Variants in GRID1 observed in about 807,000 individuals in gnomAD.
GRID1 encodes glutamate receptor ionotropic, delta-1.
Under a neutral mutation model 98.0 loss-of-function variants are expected in GRID1, and 28 were observed. The ratio of observed to expected loss-of-function variants is 0.29; its 90% CI spans 0.21 to 0.39. The LOEUF is 0.39. Ranked by LOEUF, GRID1 falls within the 10% of genes least tolerant of loss-of-function variation. The probability of loss-of-function intolerance (pLI) is 1.00; values close to 1 mark genes in which losing one functional copy is unlikely to be tolerated. For synonymous variants in GRID1, 553 were observed against 538.5 expected (o/e 1.03, Z -0.37); for missense variants, 1,111 against 1,340.5 (o/e 0.83, Z 2.67).
rs79706718 is a variant in GRID1, at chr10:86,318,496, C to T, written c.235+45445G>A. Among the ~76,000 whole-genome samples the T allele has an allele frequency of 1.6e-3, 246 of 152,342 alleles. 3 individuals are homozygous for T. The highest frequency in any genetic ancestry group is 0.015 in the East Asian group (80 of 5,182). The stretch of plus-strand genomic sequence containing the variant: ...ACAGGCTGACAGGTTGGGAGTAAAG[C>T]TCAGATTGCAGCCCCCTCCTGCTAT... On this transcript the variant is annotated intron_variant, in intron 2 of 15. Coordinates refer to ENST00000327946, the MANE Select transcript of GRID1 (RefSeq NM_017551.3).
intron 4 of GRID1, among the ~76,000 whole-genome samples, chr10:86,085,619 G>A (rs1844041595): frequency 6.6e-6 from 1 of 152,266 alleles, no homozygotes; most frequent in Middle Eastern, 3.4e-3. Context: ...CTCACAGAAT[G>A]AAATGGACAG....
chr10:86,264,840 A>T (rs1847080174), intron 2 of GRID1: 1 of 453,442 alleles, frequency 2.2e-6, no homozygotes, highest in Non-Finnish European at 4.6e-6. Context: ...GGCCCTGCAG[A>T]CGAGGAAGCC....
intron 12 of GRID1, among the ~76,000 whole-genome samples, chr10:85,707,846 A>G (rs1841538130): frequency 1.3e-5 from 2 of 152,148 alleles, no homozygotes; most frequent in Non-Finnish European, 2.9e-5. Flanking sequence ...CATCATTCTC[A>G]GCAAACTGTT....
intron 3 of GRID1, among the ~76,000 whole-genome samples, chr10:86,181,673 C>T (rs1312906989): frequency 6.6e-6 from 1 of 152,174 alleles, no homozygotes; most frequent in African/African-American, 2.4e-5. Flanking sequence ...GAAACACAGA[C>T]ACACACATAC....
chr10:85,923,087 G>T (rs1030447660), intron 4 of GRID1, among the ~76,000 whole-genome samples: 1 of 151,532 alleles, frequency 6.6e-6, no homozygotes, highest in Admixed American at 6.6e-5. Flanking sequence ...ATCCCAGAAG[G>T]TCTCTTTTCC....
chr10:85,995,694 C>T (rs965863245), intron 4 of GRID1, among the ~76,000 whole-genome samples: 5 of 152,222 alleles, frequency 3.3e-5, no homozygotes, highest in Non-Finnish European at 2.9e-5. Context: ...TATCCTCTAA[C>T]CCTCTTGACC....
At chr10:86,239,749 C>T (rs757982215) in intron 2 of GRID1, among the ~76,000 whole-genome samples, 4 of 152,206 alleles carry the variant, frequency 2.6e-5, no homozygotes, top group Non-Finnish European at 5.9e-5. Flanking sequence ...TCACCTTCCA[C>T]CACGATTGTA....
At chr10:85,811,876 C>T (rs1285569701) in intron 8 of GRID1, among the ~76,000 whole-genome samples, 1 of 152,096 alleles carries the variant, frequency 6.6e-6, no homozygotes, top group Non-Finnish European at 1.5e-5. Context: ...ATAGATTAAA[C>T]ACAAACACAT....
chr10:85,883,530 G>GTCTC (rs71016116), intron 5 of GRID1, among the ~76,000 whole-genome samples: 1 of 119,320 alleles, frequency 8.4e-6, no homozygotes, highest in African/African-American at 2.9e-5. Flanking sequence ...CTCTCTCTCT[G>GTCTC]TCTCTCTCTC....
At chr10:85,986,555 A>G (rs1255663843) in intron 4 of GRID1, among the ~76,000 whole-genome samples, 2 of 152,062 alleles carry the variant, frequency 1.3e-5, no homozygotes, top group Non-Finnish European at 2.9e-5. Context: ...CCAGACCCCA[A>G]CTGCAACCTG....
chr10:86,016,379 T>C (rs1297530296), intron 4 of GRID1, among the ~76,000 whole-genome samples: 3 of 152,030 alleles, frequency 2.0e-5, no homozygotes, highest in African/African-American at 7.2e-5. Context: ...GCACCATCTC[T>C]TATAAGAGTA....
At position 86,042,204 on chromosome 10, in the gene GRID1, T is replaced by C. The variant is rs368654590; in HGVS notation, c.726+96615A>G. Reference sequence around the variant, plus strand: ...TAAAGCCACCTTCCTTCCAGAAAGATGGCTTTCGCAATCCCCCCTGGGACA... The same window carrying C: ...TAAAGCCACCTTCCTTCCAGAAAGACGGCTTTCGCAATCCCCCCTGGGACA... On this transcript the variant is annotated intron_variant, in intron 4 of 15. Coordinates refer to ENST00000327946, the MANE Select transcript of GRID1 (RefSeq NM_017551.3). 5.9e-5 allele frequency among the ~76,000 whole-genome samples: 9 copies of C among 152,318 alleles called. 1 individual carries two copies. The South Asian group carries it at 1.9e-3, about 32-fold the overall frequency.
chr10:86,091,574 C>T (rs1037166704), intron 4 of GRID1, among the ~76,000 whole-genome samples: 2 of 151,514 alleles, frequency 1.3e-5, no homozygotes, highest in African/African-American at 4.9e-5. Flanking sequence ...AGACAAAAGA[C>T]ATATAACCTT....
intron 4 of GRID1, among the ~76,000 whole-genome samples, chr10:86,118,611 CT>C (rs1406122975): frequency 1.3e-5 from 2 of 151,946 alleles, no homozygotes; most frequent in Non-Finnish European, 2.9e-5. Flanking sequence ...TAAGTGTGGG[CT>C]GCAAATAGTG....
intron 8 of GRID1, among the ~76,000 whole-genome samples, chr10:85,734,583 A>G (rs889486440): frequency 6.6e-6 from 1 of 152,228 alleles, no homozygotes; most frequent in African/African-American, 2.4e-5. Context: ...AAAGCAAAAA[A>G]TCAAAATTCT....
intron 3 of GRID1, among the ~76,000 whole-genome samples, chr10:86,163,751 G>A (rs1464466759): frequency 6.6e-6 from 1 of 152,188 alleles, no homozygotes; most frequent in Non-Finnish European, 1.5e-5. Flanking sequence ...AATGTTTGTT[G>A]AGTCCCCACT....
chr10:86,332,955 A>C (rs1848169568), intron 2 of GRID1, among the ~76,000 whole-genome samples: 1 of 152,016 alleles, frequency 6.6e-6, no homozygotes, highest in Admixed American at 6.6e-5. Context: ...TGTCCAGCCC[A>C]CCTTCCACCA....
intron 12 of GRID1, chr10:85,647,790 C>T (rs938538113): frequency 2.5e-5 from 4 of 163,126 alleles, no homozygotes; most frequent in East Asian, 1.7e-4. Flanking sequence ...CTGTATGCTG[C>T]GGATCTCCAA....
chr10:85,914,131 G>A (rs552315485), intron 5 of GRID1, among the ~76,000 whole-genome samples: 61 of 152,316 alleles, frequency 4.0e-4, no homozygotes, highest in African/African-American at 1.4e-3. Context: ...GAATGCCCTA[G>A]GGGCACCGCA....
Sources: allele counts gnomAD v4.1 joint callset (sites outside exome capture counted in the v4.1 genomes callset), GRCh38; gene constraint gnomAD v4.1.1; transcripts MANE v1.5; gene names NCBI Gene and HGNC (gene_info 2026-07-23, HGNC 2026-07-21).